UBR4: variants seen among roughly 807,000 people sequenced by gnomAD.
The protein encoded by UBR4 is ubiquitin protein ligase E3 component n-recognin 4, also known as E3 ubiquitin-protein ligase UBR4.
In UBR4, 124 loss-of-function variants were observed where a neutral mutation model predicts 575.6. The ratio of observed to expected loss-of-function variants is 0.22; its 90% CI spans 0.19 to 0.25. The LOEUF (loss-of-function observed/expected upper bound fraction) is 0.25, where lower values mean the gene tolerates loss of function less well. Among genes scored for constraint, UBR4 ranks in the 10% least tolerant of loss-of-function variants. The pLI is 1.00. For missense variants in UBR4, 4,818 were observed against 6,478.8 expected, an observed-to-expected ratio of 0.74 and a Z score of 8.80; for synonymous variants, 2,455 against 2,473.7, an observed-to-expected ratio of 0.99 and a Z score of 0.22.
chr1:19,144,938 C>T, intron 53 of UBR4, 31 bp from the exon 54 acceptor site: 1 of 1,609,866 alleles, frequency 6.2e-7, no homozygotes, highest in Non-Finnish European at 8.5e-7. Flanking sequence ...ATTTGAAAAT[C>T]TGGAGGAAAA....
At chr1:19,140,716 C>G in intron 58 of UBR4, 72 bp downstream of exon 58, 1 of 1,458,902 alleles carries the variant, frequency 6.9e-7, no homozygotes, top group Admixed American at 1.9e-5. Context: ...GCCCATTACA[C>G]TCTCACAGCA....
chr1:19,087,761 A>G, intron 99 of UBR4, 55 bp downstream of exon 99: 1 of 1,454,936 alleles, frequency 6.9e-7, no homozygotes, highest in East Asian at 2.4e-5. Flanking sequence ...GATGCTACCT[A>G]GAACAAGGGG....
At chr1:19,203,615 T>C (rs1380382751) in intron 1 of UBR4, among the ~76,000 whole-genome samples, 1 of 152,002 alleles carries the variant, frequency 6.6e-6, no homozygotes, top group Admixed American at 6.6e-5. Context: ...AAAGGACAAG[T>C]CACTATTTGG....
rs1571194056 is a variant in UBR4, at chr1:19,153,368, T to C, written c.6765A>G (p.Pro2255=). 1 of 1,614,200 alleles carries C rather than the reference T, an allele frequency of 6.2e-7. No homozygotes were observed. The highest frequency in any genetic ancestry group is 1.7e-5 in the Admixed American group (1 of 60,024). ...TGATGACACTGCTGGGCTGCAGGGA[T>C]GGCTGCAGCCAGTAGGAGGTGTTCT... ...NVENTSYWLQ[P]SLQPSSVISI... is the part of the protein sequence containing the mutation. The change falls in exon 46 of 106, where the codon CCA becomes CCG. Residue 2255 remains proline (P), a synonymous_variant. Transcript: ENST00000375254. The surrounding 1 kb of genome is among the most constrained non-coding windows in gnomAD (Gnocchi z 4.1).
chr1:19,150,710 G>A lies in UBR4; in HGVS notation c.7297C>T (p.Pro2433Ser). Reference sequence around the variant, plus strand: ...GGGAATTCTTCTGGGGGCTCATCAGGCCAGCCAAACTGCTCCTTAGTCTTG... The same window carrying A: ...GGGAATTCTTCTGGGGGCTCATCAGACCAGCCAAACTGCTCCTTAGTCTTG... ...YGKTKEQFGWPDEPPEEFPSA... is the reference protein window; with the variant it reads ...YGKTKEQFGWSDEPPEEFPSA... Residue 2433 changes from proline to serine, a missense_variant, in exon 49 of 106, where the codon CCT becomes TCT. Physicochemically the swap from Pro to Ser is moderately conservative, Grantham distance 74. This residue lies in a region of UBR4 where 340 missense variants were observed against 375.4 expected (regional missense o/e 0.91). Coordinates refer to ENST00000375254, the MANE Select transcript of UBR4 (RefSeq NM_020765.3). The A allele has an allele frequency of 1.2e-6, 2 of 1,614,076 alleles. No homozygotes were observed. The highest frequency in any genetic ancestry group is 8.5e-7 in the Non-Finnish European group (1 of 1,179,992).
At position 19,139,333 on chromosome 1, in the gene UBR4, G is replaced by A; in HGVS notation, c.8594-113C>T. ...AAAGCATCAAACCACATAGTGCATA[G>A]GACACAATGCAGTTTATATATCCTG... is the stretch of plus-strand genomic sequence containing the variant. On this transcript the variant is annotated intron_variant, in intron 58 of 105. Coordinates refer to ENST00000375254, the MANE Select transcript of UBR4 (RefSeq NM_020765.3). The surrounding 1 kb of genome is among the most constrained non-coding windows in gnomAD (Gnocchi z 4.2). 2.2e-6 allele frequency: 3 copies of A among 1,346,990 alleles called. No homozygotes were observed. The highest frequency in any genetic ancestry group is 2.9e-6 in the Non-Finnish European group (3 of 1,028,052). The allele number at this position is 1,346,990 out of a possible 1,614,324, so 83.4% of individuals were successfully genotyped here.
At chr1:19,131,409 A>G (rs1327793586) in intron 60 of UBR4, among the ~76,000 whole-genome samples, 1 of 152,180 alleles carries the variant, frequency 6.6e-6, no homozygotes. Flanking sequence ...TCATTAACCA[A>G]TTATTTAATT....
chr1:19,187,097 C>CATATATATATATCATATATATATACAT, intron 13 of UBR4, 67 bp downstream of exon 13: 1 of 711,550 alleles, frequency 1.4e-6, no homozygotes, highest in South Asian at 3.7e-5. Context: ...TATATATATA[C>CATATATATATATCATATATATATACAT]ATATATATAT....
chr1:19,198,647 C>T lies in UBR4; in HGVS notation c.542G>A (p.Ser181Asn), dbSNP rs572177707. 5 of 1,614,108 alleles carry T rather than the reference C, an allele frequency of 3.1e-6. No homozygotes were observed. Among genetic ancestry groups the T allele is most frequent in the South Asian group, 2.2e-5 (2 of 91,082 alleles). The change falls in exon 5 of 106, where the codon AGC (serine) becomes AAC (asparagine). Residue 181 changes from serine to asparagine, a missense_variant. Physicochemically the swap from Ser to Asn is conservative, Grantham distance 46. Transcript: ENST00000375254. The stretch of plus-strand genomic sequence containing the variant: ...TACCTCCTTTTGCCTCAACTCAGGG[C>T]TTACTGGTGAGGCCAGCTCTTTCTG... ...EDQKELASPV[S>N]PELRQKEVQM...
rs565081536 is a variant in UBR4 at position 19,117,357 on chromosome 1, C to T, written c.10687G>A (p.Val3563Met). The T allele has an allele frequency of 6.2e-7, 1 of 1,614,202 alleles. No homozygotes were observed. Among genetic ancestry groups the T allele is most frequent in the East Asian group, 2.2e-5 (1 of 44,888 alleles). The stretch of plus-strand genomic sequence containing the variant: ...ATGGTGTGACTGCCAATGAGCTTCA[C>T]AACCTGCTGGGTGGTGGTGTACCGC... ...DTRYTTTQQV[V>M]KLIGSHTISK... Residue 3563 changes from valine to methionine, a missense_variant, in exon 73 of 106, where the codon GTG becomes ATG. Val to Met is a conservative substitution (Grantham distance 21). Coordinates refer to ENST00000375254, the MANE Select transcript of UBR4 (RefSeq NM_020765.3). This position sits in a 1 kb window ranked among gnomAD's most constrained non-coding sequence, Gnocchi z 4.0.
rs1474478410 is a variant in UBR4 at position 19,152,533 on chromosome 1, C to G, written c.6833-57G>C. The G allele has an allele frequency of 6.2e-7, 1 of 1,603,434 alleles. No individual in the cohort carries two copies. Among genetic ancestry groups the G allele is most frequent in the Non-Finnish European group, 8.5e-7 (1 of 1,173,844 alleles). On this transcript the variant is annotated intron_variant, in intron 46 of 105. Coordinates refer to ENST00000375254, the MANE Select transcript of UBR4 (RefSeq NM_020765.3). The surrounding 1 kb of genome is among the most constrained non-coding windows in gnomAD (Gnocchi z 4.4). ...CTCTCCCACCTCTGCCCCAACACCA[C>G]TGGTAAAGACTCCTCCCAGACAGAG...
intron 44 of UBR4, 91 bp downstream of exon 44, chr1:19,154,827 A>T: frequency 1.3e-6 from 2 of 1,546,760 alleles, no homozygotes; most frequent in Non-Finnish European, 1.8e-6. Context: ...TAAGTTTCAC[A>T]AAACTCAGAA....
intron 5 of UBR4, 35 bp from the exon 6 acceptor site, chr1:19,198,084 T>C (rs775148959): frequency 1.9e-6 from 3 of 1,597,518 alleles, no homozygotes; most frequent in Admixed American, 1.7e-5. Flanking sequence ...AAGATACTAT[T>C]ATCTCTTCAC....
chr1:19,151,756 T>C lies in UBR4; in HGVS notation c.7100A>G (p.Tyr2367Cys), dbSNP rs1440541160. ...CATAGTTCTGCCGAAGATCTCGATA[T>C]ATGACGGGGCCCGTTCTATTGCTTG... ...GTQAIERAPSYIEIFGRTMQL... is the reference protein window; with the variant it reads ...GTQAIERAPSCIEIFGRTMQL... Residue 2367 changes from tyrosine to cysteine, a missense_variant, in exon 48 of 106, where the codon TAT (tyrosine) becomes TGT (cysteine). Physicochemically the swap from Tyr to Cys is radical, Grantham distance 194. Around this residue, in one of 29 missense-constraint regions of UBR4, gnomAD observed 461 missense variants for 606.9 expected, o/e 0.76. Transcript: ENST00000375254. 3.1e-6 allele frequency: 5 copies of C among 1,614,194 alleles called. No individual in the cohort carries two copies. The highest frequency in any genetic ancestry group is 2.2e-5 in the East Asian group (1 of 44,882).
At position 19,086,047 on chromosome 1, in the gene UBR4, C is replaced by A. The variant is rs1557503400; in HGVS notation, c.14813+98G>T. The stretch of plus-strand genomic sequence containing the variant: ...AGACATGGATTCCCAAGGAAGGTAA[C>A]AGGAAATGGTGTCACCAGGGGATTG... On this transcript the variant is annotated intron_variant, in intron 101 of 105. Coordinates refer to ENST00000375254, the MANE Select transcript of UBR4 (RefSeq NM_020765.3). The A allele has an allele frequency of 8.7e-6, 13 of 1,488,042 alleles. No individual in the cohort carries two copies. In the South Asian group the frequency reaches 1.7e-4, roughly 20 times the overall value. The allele number at this position is 1,488,042 out of a possible 1,614,324, so 92.2% of individuals were successfully genotyped here. A position where few individuals can be genotyped will look rare whatever the true frequency, so the allele number is the denominator to read the frequency against.
At chr1:19,105,904 CA>C in intron 83 of UBR4, 62 bp from the exon 84 acceptor site, 1 of 1,302,434 alleles carries the variant, frequency 7.7e-7, no homozygotes, top group African/African-American at 1.5e-5. Flanking sequence ...ACCAGGCCCC[CA>C]GCAGGGCAGT....
chr1:19,108,956 G>A (rs1220434216), intron 81 of UBR4, among the ~76,000 whole-genome samples: 3 of 152,158 alleles, frequency 2.0e-5, no homozygotes, highest in Admixed American at 2.0e-4. Flanking sequence ...ATATAGGGAT[G>A]GGTGTCCTCT....
chr1:19,166,954 G>T, intron 29 of UBR4, 68 bp downstream of exon 29: 1 of 1,527,334 alleles, frequency 6.5e-7, no homozygotes, highest in Non-Finnish European at 9.1e-7. Context: ...AAAGGCAGCA[G>T]TGTTAGTACA....
chr1:19,187,138 T>C, intron 13 of UBR4, 26 bp downstream of exon 13: 4 of 1,567,678 alleles, frequency 2.6e-6, no homozygotes, highest in Non-Finnish European at 2.6e-6. Context: ...TTCTTCTAAA[T>C]TATCAATGGC....
Sources: allele counts gnomAD v4.1 joint callset (sites outside exome capture counted in the v4.1 genomes callset), GRCh38; gene constraint gnomAD v4.1.1; regional missense constraint gnomAD v4.1.1; non-coding constraint Gnocchi (gnomAD v3.1); transcripts MANE v1.5; gene names NCBI Gene and HGNC (gene_info 2026-07-23, HGNC 2026-07-21).